Variants in SHROOM3 observed in about 807,000 individuals in gnomAD.
The protein encoded by SHROOM3 is protein Shroom3.
SHROOM3 carries 47 observed loss-of-function variants against 138.6 expected under a neutral mutation model. That is an observed-to-expected ratio of 0.34 (90% CI 0.27 to 0.43). The LOEUF (loss-of-function observed/expected upper bound fraction) is 0.43. Among genes scored for constraint, SHROOM3 ranks in the 20% least tolerant of loss-of-function variants. The pLI, the probability that SHROOM3 is intolerant of heterozygous loss-of-function variation, is 1.00. For missense variants in SHROOM3, 2,491 were observed against 2,596.5 expected, an observed-to-expected ratio of 0.96 and a Z score of 0.88; for synonymous variants, 1,062 against 1,063.3, an observed-to-expected ratio of 1.00 and a Z score of 0.02.
At chr4:76,440,876 T>A (rs1246477302) in intron 1 of SHROOM3, among the ~76,000 whole-genome samples, 1 of 152,148 alleles carries the variant, frequency 6.6e-6, no homozygotes, top group Non-Finnish European at 1.5e-5. Context: ...TCTTCCACAC[T>A]GTCACCTCTC....
chr4:76,488,283 C>T (rs1421259212), intron 1 of SHROOM3, among the ~76,000 whole-genome samples: 1 of 152,068 alleles, frequency 6.6e-6, no homozygotes, highest in African/African-American at 2.4e-5. Flanking sequence ...GTGGTTATGA[C>T]TTTGCAAAAT....
intron 2 of SHROOM3, among the ~76,000 whole-genome samples, chr4:76,572,204 A>G (rs751189144): frequency 6.6e-6 from 1 of 152,244 alleles, no homozygotes; most frequent in Non-Finnish European, 1.5e-5. Flanking sequence ...GAACAATACA[A>G]TCTTGCACTA....
intron 2 of SHROOM3, among the ~76,000 whole-genome samples, chr4:76,582,893 G>T (rs986901380): frequency 6.6e-6 from 1 of 152,114 alleles, no homozygotes; most frequent in Non-Finnish European, 1.5e-5. Flanking sequence ...TGTGCAGCGG[G>T]GTCCACAGCA....
chr4:76,548,576 C>T (rs374188401), intron 1 of SHROOM3, among the ~76,000 whole-genome samples: 1 of 152,154 alleles, frequency 6.6e-6, no homozygotes, highest in Non-Finnish European at 1.5e-5. Context: ...TGTATATCAC[C>T]GTGCTGTTCT....
At chr4:76,668,177 C>A (rs1050361674) in intron 2 of SHROOM3, among the ~76,000 whole-genome samples, 1 of 151,894 alleles carries the variant, frequency 6.6e-6, no homozygotes, top group Non-Finnish European at 1.5e-5. Context: ...CCATGGCCGG[C>A]GAAAAGCCCA....
chr4:76,655,306 A>G (rs1028501492), intron 2 of SHROOM3, among the ~76,000 whole-genome samples: 4 of 152,080 alleles, frequency 2.6e-5, no homozygotes, highest in East Asian at 1.9e-4. Context: ...ATCACTCACC[A>G]TGTTCTCTTT....
At chr4:76,733,359 A>G (rs1720937326) in intron 4 of SHROOM3, among the ~76,000 whole-genome samples, 1 of 152,154 alleles carries the variant, frequency 6.6e-6, no homozygotes, top group Non-Finnish European at 1.5e-5. Context: ...TGCTGTATCT[A>G]CCACTCTGTC....
chr4:76,646,249 A>T lies in SHROOM3; in HGVS notation c.324-63907A>T, dbSNP rs1011012155. On this transcript the variant is annotated intron_variant, in intron 2 of 10. Transcript: ENST00000296043. ...AAATATATATATATATATATATATAAAATTAAAAAAAAGAACCTGTTGAAT... is the reference window on the plus strand; with the variant it reads ...AAATATATATATATATATATATATATAATTAAAAAAAAGAACCTGTTGAAT... 1.0e-3 allele frequency among the ~76,000 whole-genome samples: 82 copies of T among 79,378 alleles called. 1 individual carries two copies. The highest frequency in any genetic ancestry group is 3.8e-3 in the African/African-American group (65 of 17,246). 52.1% of individuals were successfully genotyped at this position (79,378 alleles called of 152,430 possible). A position where few individuals can be genotyped will look rare whatever the true frequency, so the allele number is the denominator to read the frequency against.
At chr4:76,552,107 C>A (rs1010736147) in intron 1 of SHROOM3, among the ~76,000 whole-genome samples, 2 of 150,334 alleles carry the variant, frequency 1.3e-5, no homozygotes, top group Admixed American at 1.3e-4. Flanking sequence ...GTGATCCGCC[C>A]GCCTCGGCCC....
At chr4:76,613,368 C>T (rs1470233696) in intron 2 of SHROOM3, among the ~76,000 whole-genome samples, 1 of 152,136 alleles carries the variant, frequency 6.6e-6, no homozygotes, top group Admixed American at 6.5e-5. Context: ...ATACTCATAG[C>T]CAAGACAAGC....
In SHROOM3 at chr4:76,681,625, G is replaced by GTTTGTGTGTGTGTGTGTGTGTATGTA. The variant is rs1553936158; in HGVS notation, c.324-28530_324-28529insTTGTGTGTGTGTGTGTGTGTATGTAT. On this transcript the variant is annotated intron_variant, in intron 2 of 10. Coordinates refer to ENST00000296043, the MANE Select transcript of SHROOM3 (RefSeq NM_020859.4). ...TGTGTGTGTGTGTGTGTGTGTGTGTGTGTGTGTGTATGTGTCTGGATGAGA... is the reference window on the plus strand; with the variant it reads ...TGTGTGTGTGTGTGTGTGTGTGTGTGTTTGTGTGTGTGTGTGTGTGTATGTATGTGTGTGTATGTGTCTGGATGAGA... 3.7e-4 allele frequency among the ~76,000 whole-genome samples: 44 copies of GTTTGTGTGTGTGTGTGTGTGTATGTA among 117,886 alleles called. 2 individuals are homozygous for GTTTGTGTGTGTGTGTGTGTGTATGTA. Among genetic ancestry groups the GTTTGTGTGTGTGTGTGTGTGTATGTA allele is most frequent in the Non-Finnish European group, 5.5e-4 (33 of 59,542 alleles). 77.3% of individuals were successfully genotyped at this position (117,886 alleles called of 152,430 possible).
rs577827115 is a variant in SHROOM3 at position 76,741,724 on chromosome 4, G to A, written c.3551G>A (p.Arg1184Gln). The A allele has an allele frequency of 1.1e-5, 17 of 1,556,192 alleles. No homozygotes were observed. The highest frequency in any genetic ancestry group is 7.2e-5 in the East Asian group (3 of 41,596). The change falls in exon 5 of 11, where the codon CGA becomes CAA. Residue 1184 changes from arginine to glutamine, a missense_variant. Coordinates refer to ENST00000296043, the MANE Select transcript of SHROOM3 (RefSeq NM_020859.4). The surrounding 1 kb of genome is among the most constrained non-coding windows in gnomAD (Gnocchi z 6.2). ...GGTGGCCGCCGCCTCGGGGAACGGC[G>A]ACGCGGGGACCTGCTTAGCGGAGCA... ...FAGGRRLGERRRGDLLSGANG... is the reference protein window; with the variant it reads ...FAGGRRLGERQRGDLLSGANG...
intron 1 of SHROOM3, among the ~76,000 whole-genome samples, chr4:76,519,691 G>A (rs1379022712): frequency 1.3e-5 from 2 of 152,162 alleles, no homozygotes; most frequent in African/African-American, 4.8e-5. Flanking sequence ...GGACAGTCTT[G>A]ACTATATGTG....
intron 3 of SHROOM3, among the ~76,000 whole-genome samples, chr4:76,716,956 T>C (rs1288574831): frequency 3.9e-5 from 6 of 152,342 alleles, no homozygotes; most frequent in African/African-American, 1.4e-4. Flanking sequence ...AAGTTTCTGA[T>C]CTATATCATT....
At chr4:76,472,172 G>C (rs1409021965) in intron 1 of SHROOM3, among the ~76,000 whole-genome samples, 3 of 152,128 alleles carry the variant, frequency 2.0e-5, no homozygotes, top group Non-Finnish European at 2.9e-5. Context: ...CCCAGAGTGA[G>C]ACATTAATTG....
chr4:76,571,664 C>A (rs1001554848), intron 2 of SHROOM3, among the ~76,000 whole-genome samples: 1 of 152,182 alleles, frequency 6.6e-6, no homozygotes, highest in Non-Finnish European at 1.5e-5. Context: ...CAAAACCCCA[C>A]AGCTTGATTC....
intron 3 of SHROOM3, among the ~76,000 whole-genome samples, chr4:76,728,998 G>A (rs1056130542): frequency 2.6e-5 from 4 of 152,056 alleles, no homozygotes; most frequent in Non-Finnish European, 5.9e-5. Flanking sequence ...GATCTCTGAA[G>A]GCTTGTCTCC....
intron 1 of SHROOM3, among the ~76,000 whole-genome samples, chr4:76,442,486 T>G (rs6839401): frequency 0.29 from 43,749 of 148,766 alleles, 7,128 homozygotes; most frequent in East Asian, 0.64. Flanking sequence ...CTCGGGTCAC[T>G]GTAAGCTCCA....
At chr4:76,497,209 A>T (rs978402833) in intron 1 of SHROOM3, among the ~76,000 whole-genome samples, 4 of 152,234 alleles carry the variant, frequency 2.6e-5, no homozygotes, top group Non-Finnish European at 5.9e-5. Context: ...TCTATCAGCC[A>T]AACACCTTAA....
Sources: gnomAD v4.1 joint callset for allele counts (sites outside exome capture counted in the v4.1 genomes callset) on GRCh38, gnomAD v4.1.1 for gene constraint, Gnocchi (gnomAD v3.1) non-coding constraint, MANE v1.5 for transcripts, NCBI Gene and HGNC (gene_info 2026-07-23, HGNC 2026-07-21) for gene names.